Variants in ASTN2 observed in about 807,000 individuals in gnomAD.
ASTN2 encodes the protein astrotactin-2.
A neutral mutation model predicts 139.8 loss-of-function variants in ASTN2; 54 were observed. The ratio of observed to expected loss-of-function variants is 0.39; its 90% confidence interval spans 0.31 to 0.48. The LOEUF (loss-of-function observed/expected upper bound fraction) is 0.48, where lower values mean the gene tolerates loss of function less well. Ranked by LOEUF, ASTN2 falls within the 20% of genes least tolerant of loss-of-function variation. The pLI is 0.95. For synonymous variants in ASTN2, 756 were observed against 719.5 expected (o/e 1.05, Z -0.81); for missense variants, 1,565 against 1,725.1 (o/e 0.91, Z 1.64).
At chr9:116,824,139 G>A (rs1265227439) in intron 11 of ASTN2, among the ~76,000 whole-genome samples, 1 of 152,182 alleles carries the variant, frequency 6.6e-6, no homozygotes, top group East Asian at 1.9e-4. Context: ...CTTATAAGTT[G>A]TATAACCTTC....
chr9:116,646,009 A>G (rs1275157502), intron 17 of ASTN2, among the ~76,000 whole-genome samples: 1 of 152,210 alleles, frequency 6.6e-6, no homozygotes, highest in Non-Finnish European at 1.5e-5. Flanking sequence ...CTTCTTGGAC[A>G]TTATGCATTC....
At chr9:117,248,477 G>T (rs1372304601) in intron 2 of ASTN2, among the ~76,000 whole-genome samples, 2 of 152,168 alleles carry the variant, frequency 1.3e-5, no homozygotes, top group African/African-American at 2.4e-5. Flanking sequence ...ACAATATAAG[G>T]CTGGGAGTGG....
intron 10 of ASTN2, among the ~76,000 whole-genome samples, chr9:116,964,253 G>A (rs1452121562): frequency 2.2e-5 from 3 of 135,512 alleles, no homozygotes; most frequent in Non-Finnish European, 3.2e-5. Context: ...GTGTGTGTGT[G>A]TGTGCGCGCG....
rs528846077 is a variant in ASTN2, at chr9:116,705,369, AC to A, written c.2806+20401del. Among the ~76,000 whole-genome samples the A allele has an allele frequency of 1.9e-3, 297 of 152,308 alleles. 2 individuals carry two copies. Among genetic ancestry groups the A allele is most frequent in the South Asian group, 3.5e-3 (17 of 4,820 alleles). On this transcript the variant is annotated intron_variant, in intron 16 of 22. Transcript: ENST00000313400. ...TATGAAACTGGTAAGGGAAAGTCTA[AC>A]CCCTGCAACCGCAAAGGAAAATTAT...
intron 19 of ASTN2, among the ~76,000 whole-genome samples, chr9:116,516,829 A>G (rs959629568): frequency 3.3e-5 from 5 of 152,190 alleles, no homozygotes; most frequent in African/African-American, 1.2e-4. Context: ...GAGCAGAGTG[A>G]GGCCTGTGAC....
At chr9:117,379,055 A>G (rs996811029) in intron 1 of ASTN2, among the ~76,000 whole-genome samples, 3 of 152,120 alleles carry the variant, frequency 2.0e-5, no homozygotes, top group African/African-American at 7.2e-5. Context: ...GGAAGCTTCT[A>G]GAGGACTCCT....
intron 4 of ASTN2, among the ~76,000 whole-genome samples, chr9:117,125,085 G>C (rs1041071665): frequency 1.3e-5 from 2 of 152,320 alleles, no homozygotes; most frequent in Admixed American, 6.5e-5. Context: ...CAAGGACTAG[G>C]ACAGATGTGT....
At chr9:117,291,264 T>C (rs1834582702) in intron 2 of ASTN2, 62 bp downstream of exon 2, 4 of 1,506,824 alleles carry the variant, frequency 2.7e-6, no homozygotes, top group Non-Finnish European at 3.7e-6. Context: ...GCCCCCTCCA[T>C]CTCTCCACCC....
At chr9:116,981,247 A>G (rs1256900547) in intron 7 of ASTN2, among the ~76,000 whole-genome samples, 2 of 152,198 alleles carry the variant, frequency 1.3e-5, no homozygotes, top group Non-Finnish European at 2.9e-5. Flanking sequence ...TGCCTGATAA[A>G]GGGTAGGCAA....
At chr9:116,950,913 T>C (rs553859189) in intron 10 of ASTN2, among the ~76,000 whole-genome samples, 3 of 152,330 alleles carry the variant, frequency 2.0e-5, no homozygotes, top group African/African-American at 7.2e-5. Context: ...ATAGATTCTT[T>C]CTGTTTCCTT....
intron 10 of ASTN2, among the ~76,000 whole-genome samples, chr9:116,960,143 G>T (rs968417358): frequency 1.3e-5 from 2 of 152,144 alleles, no homozygotes; most frequent in Non-Finnish European, 2.9e-5. Flanking sequence ...GTCAGACCTT[G>T]CCTGACTCTC....
chr9:116,679,756 C>T (rs1008319106), intron 16 of ASTN2, among the ~76,000 whole-genome samples: 17 of 152,146 alleles, frequency 1.1e-4, no homozygotes, highest in Admixed American at 3.9e-4. Context: ...AACTGAACAA[C>T]CTGCTCCTGA....
At chr9:116,455,989 C>A (rs968727825) in intron 20 of ASTN2, among the ~76,000 whole-genome samples, 7 of 151,998 alleles carry the variant, frequency 4.6e-5, no homozygotes, top group Non-Finnish European at 7.4e-5. Flanking sequence ...ATCACTGTTA[C>A]TCAACATAGT....
chr9:117,169,679 C>T (rs948056515), intron 3 of ASTN2, among the ~76,000 whole-genome samples: 2 of 151,634 alleles, frequency 1.3e-5, no homozygotes, highest in African/African-American at 4.9e-5. Context: ...CTCATGTTAA[C>T]GAACATTCTG....
At chr9:116,540,085 C>T (rs185036558) in intron 19 of ASTN2, among the ~76,000 whole-genome samples, 1 of 152,310 alleles carries the variant, frequency 6.6e-6, no homozygotes, top group East Asian at 1.9e-4. Context: ...CTACATGAGA[C>T]TGCTTTTCCA....
chr9:116,641,924 T>C (rs1377409246), intron 17 of ASTN2, among the ~76,000 whole-genome samples: 1 of 151,994 alleles, frequency 6.6e-6, no homozygotes, highest in Non-Finnish European at 1.5e-5. Context: ...CAGAATGCAC[T>C]AAGATAGAAA....
chr9:117,152,321 T>A (rs371186908), intron 3 of ASTN2, among the ~76,000 whole-genome samples: 1 of 152,306 alleles, frequency 6.6e-6, no homozygotes. Context: ...GGGTAACCGA[T>A]CGCCTTTGAC....
chr9:116,939,760 A>C (rs957601980), intron 10 of ASTN2, among the ~76,000 whole-genome samples: 2 of 152,240 alleles, frequency 1.3e-5, no homozygotes, highest in African/African-American at 4.8e-5. Flanking sequence ...TCCACAGTGA[A>C]GGGAAGCAGT....
chr9:116,536,318 G>C (rs910295406), intron 19 of ASTN2, among the ~76,000 whole-genome samples: 1 of 151,748 alleles, frequency 6.6e-6, no homozygotes, highest in Non-Finnish European at 1.5e-5. Flanking sequence ...CCTTTAGCTC[G>C]GAGAAGTTTG....
Sources: gnomAD v4.1 joint callset for allele counts (sites outside exome capture counted in the v4.1 genomes callset) on GRCh38, gnomAD v4.1.1 for gene constraint, MANE v1.5 for transcripts, NCBI Gene and HGNC (gene_info 2026-07-23, HGNC 2026-07-21) for gene names.